SMIM28: variants seen among roughly 807,000 people sequenced by gnomAD.
SMIM28 encodes the protein small integral membrane protein 28.
intron 1 of SMIM28, among the ~76,000 whole-genome samples, chr6:138,379,378 A>G (rs557983240): frequency 3.3e-5 from 5 of 152,198 alleles, no homozygotes; most frequent in Non-Finnish European, 4.4e-5. Flanking sequence ...AGAATACCTT[A>G]AGTAGCATAA....
intron 1 of SMIM28, 88 bp from the exon 2 acceptor site, chr6:138,382,412 A>G (rs1047769073): frequency 1.7e-5 from 6 of 354,184 alleles, no homozygotes; most frequent in Admixed American, 4.7e-5. Flanking sequence ...AAAAAAAAAA[A>G]AAAAAGAAAG....
At position 138,383,075 on chromosome 6, in the gene SMIM28, G is replaced by A. The variant is rs1041396866; in HGVS notation, c.*228G>A. 5 of 341,524 alleles carry A rather than the reference G, an allele frequency of 1.5e-5. No individual in the cohort carries two copies. Among genetic ancestry groups the A allele is most frequent in the African/African-American group, 1.1e-4 (5 of 47,232 alleles). The allele number at this position is 341,524 out of a possible 1,614,324, so 21.2% of individuals were successfully genotyped here. On this transcript the variant is annotated 3_prime_UTR_variant, in exon 2 of 2. Transcript: ENST00000573100. The stretch of plus-strand genomic sequence containing the variant: ...CTATCTTCACATTCCTTAGGGGAAA[G>A]TTTCCCAGGTTCTTCTAAAGATGAC...
chr6:138,382,963 C>T lies in SMIM28; in HGVS notation c.*116C>T, dbSNP rs1774334409. 5.0e-6 allele frequency: 2 copies of T among 396,848 alleles called. No individual in the cohort carries two copies. The highest frequency in any genetic ancestry group is 8.9e-6 in the Non-Finnish European group (2 of 225,582). 24.6% of individuals were successfully genotyped at this position (396,848 alleles called of 1,614,324 possible). ...AGAAGAGGGAGAAGGGCCCCTAGAC[C>T]CAAGAAGCTGCTATTCATTGGCCAA... On this transcript the variant is annotated 3_prime_UTR_variant, in exon 2 of 2. Coordinates refer to ENST00000573100, the MANE Select transcript of SMIM28 (RefSeq NM_001368163.3).
At chr6:138,380,512 A>G (rs35815914) in intron 1 of SMIM28, among the ~76,000 whole-genome samples, 6 of 152,206 alleles carry the variant, frequency 3.9e-5, no homozygotes, top group South Asian at 4.1e-4. Flanking sequence ...TCATGCCTGT[A>G]ATCCCAGCAC....
chr6:138,381,060 G>C (rs185922941), intron 1 of SMIM28, among the ~76,000 whole-genome samples: 2 of 151,834 alleles, frequency 1.3e-5, no homozygotes, highest in Non-Finnish European at 2.9e-5. Context: ...CCACCACCAC[G>C]CCCTGCTAAT....
Position 138,378,148 on chromosome 6 carries a change from G to T in SMIM28, c.76G>T (p.Glu26Ter). The change falls in exon 1 of 2, where the codon GAG (glutamate) becomes TAG (stop). Residue 26 changes from glutamate (E) to a stop codon, truncating the protein, a stop_gained. Transcript: ENST00000573100. LOFTEE classifies it low-confidence loss of function (END_TRUNC). ...GRGTYEWLTS[E>*]PGLPLLETQL... is the part of the protein sequence containing the mutation. The stretch of plus-strand genomic sequence containing the variant: ...GGGGACATATGAGTGGTTAACCAGC[G>T]AGCCCGGCCTGCCTCTCCTGGAGAC... 1 of 398,640 alleles carries T rather than the reference G, an allele frequency of 2.5e-6. No individual in the cohort carries two copies. The highest frequency in any genetic ancestry group is 4.4e-6 in the Non-Finnish European group (1 of 226,102). The allele number at this position is 398,640 out of a possible 1,614,324, so 24.7% of individuals were successfully genotyped here.
At chr6:138,379,458 A>G (rs999227822) in intron 1 of SMIM28, among the ~76,000 whole-genome samples, 4 of 152,210 alleles carry the variant, frequency 2.6e-5, no homozygotes, top group African/African-American at 9.6e-5. Context: ...TTCTATGCAT[A>G]CTGACTTTCT....
Position 138,382,438 on chromosome 6 carries a change from A to G in SMIM28, c.112-62A>G, listed in dbSNP as rs1343842854. ...AAAAAGAAAGAAAGAAAGAAAAAAA[A>G]AAAAAGAAATGCGAGGCCTTCTTTC... On this transcript the variant is annotated intron_variant, in intron 1 of 1. Transcript: ENST00000573100. 1.3e-5 allele frequency: 5 copies of G among 396,618 alleles called. No individual in the cohort carries two copies. In the East Asian group the frequency reaches 1.8e-4, roughly 14 times the overall value. 24.6% of individuals were successfully genotyped at this position (396,618 alleles called of 1,614,324 possible).
intron 1 of SMIM28, among the ~76,000 whole-genome samples, chr6:138,378,398 C>A (rs1383964073): frequency 6.6e-6 from 1 of 152,144 alleles, no homozygotes; most frequent in African/African-American, 2.4e-5. Context: ...AAACTTGGCA[C>A]AACTATATCC....
At position 138,377,998 on chromosome 6, in the gene SMIM28, G is replaced by T. The variant is rs1178049924; in HGVS notation, c.-75G>T. ...CCAAGCACATCCAAACTGGATCCAG[G>T]CCAAGAGCAAGCAGCATTGTTGAAA... On this transcript the variant is annotated 5_prime_UTR_variant, in exon 1 of 2. Coordinates refer to ENST00000573100, the MANE Select transcript of SMIM28 (RefSeq NM_001368163.3). 1 of 397,926 alleles carries T rather than the reference G, an allele frequency of 2.5e-6. No individual in the cohort carries two copies. The highest frequency in any genetic ancestry group is 2.1e-5 in the African/African-American group (1 of 48,610). The allele number at this position is 397,926 out of a possible 1,614,324, so 24.6% of individuals were successfully genotyped here. A position where few individuals can be genotyped will look rare whatever the true frequency, so the allele number is the denominator to read the frequency against.
rs1583090153 is a variant in SMIM28, at chr6:138,378,063, G to A, written c.-10G>A. 1 of 398,864 alleles carries A rather than the reference G, an allele frequency of 2.5e-6. No individual in the cohort carries two copies. Among genetic ancestry groups the A allele is most frequent in the East Asian group, 3.6e-5 (1 of 28,082 alleles). 24.7% of individuals were successfully genotyped at this position (398,864 alleles called of 1,614,324 possible). ...TGGAAGGGTGGCCAGGGCATCAGCT[G>A]GATGAAAACATGCGGGGACTGCTGG... On this transcript the variant is annotated 5_prime_UTR_variant, in exon 1 of 2. Coordinates refer to ENST00000573100, the MANE Select transcript of SMIM28 (RefSeq NM_001368163.3).
intron 1 of SMIM28, among the ~76,000 whole-genome samples, chr6:138,380,572 C>T (rs1774299526): frequency 6.6e-6 from 1 of 152,036 alleles, no homozygotes; most frequent in Admixed American, 6.6e-5. Flanking sequence ...TCGAGACCAT[C>T]CTGGCTAACA....
intron 1 of SMIM28, among the ~76,000 whole-genome samples, chr6:138,379,294 T>G (rs1376226754): frequency 6.6e-6 from 1 of 152,216 alleles, no homozygotes; most frequent in Admixed American, 6.5e-5. Flanking sequence ...CAAATTTAAC[T>G]CAGCCAACGG....
intron 1 of SMIM28, among the ~76,000 whole-genome samples, chr6:138,378,838 G>T (rs1774284080): frequency 6.6e-6 from 1 of 152,138 alleles, no homozygotes; most frequent in Admixed American, 6.5e-5. Flanking sequence ...CTATTTTCTT[G>T]CTTTCTGGAA....
At chr6:138,379,939 T>C (rs950147546) in intron 1 of SMIM28, among the ~76,000 whole-genome samples, 1 of 152,188 alleles carries the variant, frequency 6.6e-6, no homozygotes, top group Non-Finnish European at 1.5e-5. Flanking sequence ...AAGAGACTTT[T>C]TCTGAAAATA....
chr6:138,381,909 G>T (rs190318065), intron 1 of SMIM28, among the ~76,000 whole-genome samples: 52 of 152,242 alleles, frequency 3.4e-4, no homozygotes, highest in African/African-American at 1.2e-3. Flanking sequence ...TTTTTACTTC[G>T]TGGAAATTTT....
Position 138,383,432 on chromosome 6 carries a change from A to T in SMIM28, c.*585A>T, listed in dbSNP as rs1464740774. On this transcript the variant is annotated 3_prime_UTR_variant, in exon 2 of 2. Transcript: ENST00000573100. ...AAATATATTACAATATTAGCAATGA[A>T]AGTATAGATATTCGCAAACATTTTA... Among the ~76,000 whole-genome samples the T allele has an allele frequency of 6.6e-6, 1 of 152,242 alleles. No individual in the cohort carries two copies.
rs1774341052 is a variant in SMIM28 at position 138,383,356 on chromosome 6, T to A, written c.*509T>A. 6.6e-6 allele frequency among the ~76,000 whole-genome samples: 1 copy of A among 152,154 alleles called. No homozygotes were observed. Among genetic ancestry groups the A allele is most frequent in the African/African-American group, 2.4e-5 (1 of 41,424 alleles). On this transcript the variant is annotated 3_prime_UTR_variant, in exon 2 of 2. Coordinates refer to ENST00000573100, the MANE Select transcript of SMIM28 (RefSeq NM_001368163.3). ...AAGATATAGAGAGTTCTAGCAGGAGTAAAAGACATCTCTAGAACTGCAGGG... is the reference window on the plus strand; with the variant it reads ...AAGATATAGAGAGTTCTAGCAGGAGAAAAAGACATCTCTAGAACTGCAGGG...
chr6:138,378,728 A>G (rs1405421996), intron 1 of SMIM28, among the ~76,000 whole-genome samples: 2 of 152,232 alleles, frequency 1.3e-5, no homozygotes, highest in Non-Finnish European at 2.9e-5. Flanking sequence ...AGCAGCACTA[A>G]GGACAAATAT....
Sources: gnomAD v4.1 joint callset for allele counts (sites outside exome capture counted in the v4.1 genomes callset) on GRCh38, gnomAD v4.1.1 for gene constraint, MANE v1.5 for transcripts, NCBI Gene and HGNC (gene_info 2026-07-23, HGNC 2026-07-21) for gene names.